Variants in NGEF observed in about 807,000 individuals in gnomAD.
The protein encoded by NGEF is neuronal guanine nucleotide exchange factor, also known as ephexin-1.
Under a neutral mutation model 80.9 loss-of-function variants are expected in NGEF, and 31 were observed. The ratio of observed to expected loss-of-function variants is 0.38; its 90% CI spans 0.29 to 0.52. NGEF has a LOEUF of 0.52. NGEF is among the 20% of genes least tolerant of loss of function. The probability of loss-of-function intolerance (pLI) is 0.84; values close to 1 mark genes in which losing one functional copy is unlikely to be tolerated. For synonymous variants in NGEF, 371 were observed against 370.2 expected, an observed-to-expected ratio of 1.00 and a Z score of -0.03; for missense variants, 709 against 926.2, an observed-to-expected ratio of 0.77 and a Z score of 3.04.
intron 3 of NGEF, among the ~76,000 whole-genome samples, chr2:232,933,111 A>AAAATAAATAAATAAATAAAT (rs60621174): frequency 7.1e-6 from 1 of 140,078 alleles, no homozygotes; most frequent in Non-Finnish European, 1.5e-5. Flanking sequence ...CTCCATCTCA[A>AAAATAAATAAATAAATAAAT]AAATAAATAA....
intron 1 of NGEF, among the ~76,000 whole-genome samples, chr2:232,997,938 G>A (rs1694888281): frequency 1.3e-5 from 2 of 152,174 alleles, no homozygotes; most frequent in Admixed American, 6.5e-5. Flanking sequence ...TTCGCTACAA[G>A]TCCTCAGCCA....
chr2:232,993,112 T>A (rs1324620805), intron 1 of NGEF, among the ~76,000 whole-genome samples: 2 of 74,666 alleles, frequency 2.7e-5, no homozygotes, highest in Non-Finnish European at 4.9e-5. Flanking sequence ...AATAAATATA[T>A]ATATATAAAT....
rs773986274 is a variant in NGEF at position 232,920,392 on chromosome 2, G to A, written c.720C>T (p.Cys240=). 6 of 1,614,092 alleles carry A rather than the reference G, an allele frequency of 3.7e-6. No homozygotes were observed. The highest frequency in any genetic ancestry group is 1.6e-4 in the Middle Eastern group (1 of 6,062). The change falls in exon 5 of 15, where the codon TGC becomes TGT. Residue 240 remains cysteine, a synonymous_variant. Coordinates refer to ENST00000264051, the MANE Select transcript of NGEF (RefSeq NM_019850.3). ...PPERKTLPQI[C]LLSNPHSRFN... is the part of the protein sequence containing the mutation. ...ACCTTGAGTGGGGGTTACTGAGCAG[G>A]CAGATCTGGGGCAGAGTCTTCCTCT...
chr2:232,898,286 G>A (rs1011645848), intron 5 of NGEF, among the ~76,000 whole-genome samples: 1 of 152,236 alleles, frequency 6.6e-6, no homozygotes, highest in Admixed American at 6.5e-5. Context: ...CCTGAAGGAT[G>A]CCTGCTAGAG....
At chr2:232,933,755 C>T (rs547312258) in intron 3 of NGEF, among the ~76,000 whole-genome samples, 2 of 152,358 alleles carry the variant, frequency 1.3e-5, no homozygotes, top group East Asian at 3.9e-4. Flanking sequence ...TAGGACTGTG[C>T]TCTCCTAATG....
chr2:232,891,326 C>T, intron 8 of NGEF, 32 bp downstream of exon 8: 1 of 1,611,400 alleles, frequency 6.2e-7, no homozygotes, highest in Non-Finnish European at 8.5e-7. Flanking sequence ...CCTGGGAAGC[C>T]CCGTCTGTGG....
At chr2:232,919,154 T>C (rs150378596) in intron 5 of NGEF, among the ~76,000 whole-genome samples, 2 of 152,330 alleles carry the variant, frequency 1.3e-5, no homozygotes, top group East Asian at 3.9e-4. Context: ...AGGTATATGA[T>C]GCTGGTCAGG....
chr2:233,001,215 A>G (rs1230912405), intron 1 of NGEF, among the ~76,000 whole-genome samples: 1 of 152,148 alleles, frequency 6.6e-6, no homozygotes, highest in African/African-American at 2.4e-5. Flanking sequence ...ATTGAGTGCA[A>G]CCGTGGCAGG....
chr2:232,991,738 G>C (rs1195881915), intron 1 of NGEF, among the ~76,000 whole-genome samples: 1 of 152,142 alleles, frequency 6.6e-6, no homozygotes, highest in African/African-American at 2.4e-5. Flanking sequence ...AACTTGATAA[G>C]CTGATCATAA....
At chr2:232,954,738 A>AC (rs1422711422) in intron 3 of NGEF, among the ~76,000 whole-genome samples, 1 of 151,404 alleles carries the variant, frequency 6.6e-6, no homozygotes, top group East Asian at 1.9e-4. Context: ...AGAAAAAAAA[A>AC]AAAAAGAGAG....
intron 1 of NGEF, among the ~76,000 whole-genome samples, chr2:233,004,098 A>G (rs1695037416): frequency 6.6e-6 from 1 of 152,074 alleles, no homozygotes. Context: ...CTCTGTCACG[A>G]TCATGTCATA....
At chr2:232,889,309 C>G (rs1365036060) in intron 8 of NGEF, among the ~76,000 whole-genome samples, 2 of 152,182 alleles carry the variant, frequency 1.3e-5, no homozygotes, top group African/African-American at 4.8e-5. Flanking sequence ...GGTTCCTTAG[C>G]CTGGCACGTG....
Position 232,974,619 on chromosome 2 carries a change from T to C in NGEF, c.268+4A>G. 6.2e-7 allele frequency: 1 copy of C among 1,613,686 alleles called. No homozygotes were observed. On this transcript the variant is annotated splice_donor_region_variant and intron_variant, in intron 2 of 14. Coordinates refer to ENST00000264051, the MANE Select transcript of NGEF (RefSeq NM_019850.3). The stretch of plus-strand genomic sequence containing the variant: ...CAGCCGTGACAGCTGTCCCTGATAC[T>C]GACCTGCCAGGCAGCTGGCGTTCCG...
intron 3 of NGEF, among the ~76,000 whole-genome samples, chr2:232,944,472 A>G (rs1693507850): frequency 6.6e-6 from 1 of 152,054 alleles, no homozygotes; most frequent in South Asian, 2.1e-4. Flanking sequence ...GAGGAGTGCT[A>G]TGGCGTTGTA....
At chr2:233,009,218 G>A (rs528572604) in intron 1 of NGEF, among the ~76,000 whole-genome samples, 1 of 152,266 alleles carries the variant, frequency 6.6e-6, no homozygotes, top group South Asian at 2.1e-4. Flanking sequence ...TCTACTGTCT[G>A]TCATCATGAG....
intron 1 of NGEF, among the ~76,000 whole-genome samples, chr2:232,975,885 G>T (rs561009553): frequency 3.1e-4 from 47 of 152,178 alleles, no homozygotes; most frequent in African/African-American, 1.1e-3. Flanking sequence ...CTGGCCTATC[G>T]GTCCAGAGAT....
At position 232,974,270 on chromosome 2, in the gene NGEF, G is replaced by A. The variant is rs76277080; in HGVS notation, c.268+353C>T. Among the ~76,000 whole-genome samples the A allele has an allele frequency of 8.5e-5, 13 of 152,188 alleles. No individual in the cohort carries two copies. In the East Asian group the frequency reaches 2.1e-3, roughly 25 times the overall value. ...GAGAACAGGACAGAACCTCATCACC[G>A]AGACAATTCATGTTCTCAGATGACC... On this transcript the variant is annotated intron_variant, in intron 2 of 14. Coordinates refer to ENST00000264051, the MANE Select transcript of NGEF (RefSeq NM_019850.3).
chr2:232,965,197 G>A (rs955859904), intron 3 of NGEF, among the ~76,000 whole-genome samples: 2 of 152,168 alleles, frequency 1.3e-5, no homozygotes, highest in African/African-American at 4.8e-5. Flanking sequence ...AGAGGTTTTT[G>A]TTGTTGCCGT....
At chr2:232,984,988 G>A (rs993619134) in intron 1 of NGEF, among the ~76,000 whole-genome samples, 7 of 152,064 alleles carry the variant, frequency 4.6e-5, no homozygotes, top group South Asian at 2.1e-4. Flanking sequence ...GAGAGTGGAC[G>A]GGGAGATTGG....
Sources: allele counts gnomAD v4.1 joint callset (sites outside exome capture counted in the v4.1 genomes callset), GRCh38; gene constraint gnomAD v4.1.1; transcripts MANE v1.5; gene names NCBI Gene and HGNC (gene_info 2026-07-23, HGNC 2026-07-21).